RAVER1: variants seen among roughly 807,000 people sequenced by gnomAD.
The protein encoded by RAVER1 is ribonucleoprotein PTB-binding 1.
A neutral mutation model predicts 68.4 loss-of-function variants in RAVER1; 36 were observed. The ratio of observed to expected loss-of-function variants is 0.53; its 90% confidence interval spans 0.40 to 0.70. RAVER1 has a LOEUF of 0.70. RAVER1 is among the 30% of genes least tolerant of loss of function. The pLI, the probability that RAVER1 is intolerant of heterozygous loss-of-function variation, is 0.00. For missense variants in RAVER1, 933 were observed against 1,019.8 expected, an observed-to-expected ratio of 0.91 and a Z score of 1.16; for synonymous variants, 469 against 472.7, an observed-to-expected ratio of 0.99 and a Z score of 0.10.
intron 7 of RAVER1, 92 bp downstream of exon 7, chr19:10,321,435 CTGGG>C (rs1366340007): frequency 2.8e-6 from 3 of 1,085,450 alleles, no homozygotes; most frequent in African/African-American, 1.6e-5. Context: ...GACAAGGGCG[CTGGG>C]ACCCAGAGGT....
Position 10,329,036 on chromosome 19 carries a change from C to A in RAVER1, c.362G>T (p.Arg121Leu). The stretch of plus-strand genomic sequence containing the variant: ...GGGCTGCAGCTGCACCGACAGTTCA[C>A]GCTCCCGCAGGCGGCTCTGGTGGAA... ...NAFHQSRLRE[R>L]ELSVQLQPTD... The change falls in exon 3 of 13, where the codon CGT becomes CTT. Residue 121 changes from arginine (R) to leucine (L), a missense_variant. Arg to Leu is a moderately radical substitution (Grantham distance 102). Transcript: ENST00000617231. This position sits in a 1 kb window ranked among gnomAD's most constrained non-coding sequence, Gnocchi z 4.6. 6.5e-7 allele frequency: 1 copy of A among 1,548,464 alleles called. No individual in the cohort carries two copies. The highest frequency in any genetic ancestry group is 1.2e-5 in the South Asian group (1 of 81,712).
chr19:10,333,226 T>C lies in RAVER1; in HGVS notation c.219+63A>G, dbSNP rs2040536784. On this transcript the variant is annotated intron_variant, in intron 1 of 12. Transcript: ENST00000617231. The surrounding 1 kb of genome is among the most constrained non-coding windows in gnomAD (Gnocchi z 4.2). ...GCACCTCAGCGTTGGTGTCGCCCGG[T>C]TCCCCCCGCGCACGCGCACCGTGGT... The C allele has an allele frequency of 1.3e-6, 2 of 1,481,900 alleles. No homozygotes were observed. Among genetic ancestry groups the C allele is most frequent in the Admixed American group, 2.1e-5 (1 of 48,760 alleles). The allele number at this position is 1,481,900 out of a possible 1,614,324, so 91.8% of individuals were successfully genotyped here.
intron 11 of RAVER1, 86 bp downstream of exon 11, chr19:10,318,143 A>ACCGAGGGTTACAGAGCCCCGGTG: frequency 8.1e-7 from 1 of 1,235,158 alleles, no homozygotes; most frequent in Non-Finnish European, 1.1e-6. Flanking sequence ...TGGCCTGGGC[A>ACCGAGGGTTACAGAGCCCCGGTG]CCGAGGGTTA....
At position 10,333,212 on chromosome 19, in the gene RAVER1, T is replaced by G; in HGVS notation, c.219+77A>C. The G allele has an allele frequency of 3.7e-5, 50 of 1,363,336 alleles. No homozygotes were observed. The highest frequency in any genetic ancestry group is 4.3e-5 in the Non-Finnish European group (43 of 995,822). The allele number at this position is 1,363,336 out of a possible 1,614,324, so 84.5% of individuals were successfully genotyped here. ...CCAACGACCCCCGCGCACCTCAGCG[T>G]TGGTGTCGCCCGGTTCCCCCCGCGC... On this transcript the variant is annotated intron_variant, in intron 1 of 12. Coordinates refer to ENST00000617231, the MANE Select transcript of RAVER1 (RefSeq NM_133452.3). The surrounding 1 kb of genome is among the most constrained non-coding windows in gnomAD (Gnocchi z 4.2).
Position 10,321,042 on chromosome 19 carries a change from C to T in RAVER1, c.1473+6G>A. 2 of 1,425,742 alleles carry T rather than the reference C, an allele frequency of 1.4e-6. No homozygotes were observed. The highest frequency in any genetic ancestry group is 2.8e-5 in the East Asian group (1 of 35,958). 88.3% of individuals were successfully genotyped at this position (1,425,742 alleles called of 1,614,324 possible). A position where few individuals can be genotyped will look rare whatever the true frequency, so the allele number is the denominator to read the frequency against. On this transcript the variant is annotated splice_donor_region_variant and intron_variant, in intron 8 of 12. Coordinates refer to ENST00000617231, the MANE Select transcript of RAVER1 (RefSeq NM_133452.3). Reference sequence around the variant, plus strand: ...GTGTGGTGCCGCGCGCAGGGCAGGGCCTTACCCCAGGGGGCGTCGGCAGAG... The same window carrying T: ...GTGTGGTGCCGCGCGCAGGGCAGGGTCTTACCCCAGGGGGCGTCGGCAGAG...
At chr19:10,318,199 G>C in intron 11 of RAVER1, 30 bp downstream of exon 11, 4 of 1,577,756 alleles carry the variant, frequency 2.5e-6, no homozygotes, top group Non-Finnish European at 3.4e-6. Context: ...TGTCCCAGGG[G>C]GCCTGTGCTT....
intron 3 of RAVER1, among the ~76,000 whole-genome samples, chr19:10,326,585 C>T (rs2040475937): frequency 6.6e-6 from 1 of 151,988 alleles, no homozygotes; most frequent in African/African-American, 2.4e-5. Flanking sequence ...GCTGAGATTA[C>T]AGGCGCGTGG....
intron 10 of RAVER1, among the ~76,000 whole-genome samples, 173 bp from the exon 11 acceptor site, chr19:10,318,545 A>G (rs1405243642): frequency 1.3e-5 from 2 of 152,174 alleles, no homozygotes; most frequent in Non-Finnish European, 2.9e-5. Context: ...TTTTTAGTAG[A>G]GACGGGGTTT....
intron 3 of RAVER1, among the ~76,000 whole-genome samples, chr19:10,324,110 C>T (rs1002727455): frequency 1.3e-5 from 2 of 150,146 alleles, no homozygotes; most frequent in Non-Finnish European, 3.0e-5. Flanking sequence ...GCCGAGATCG[C>T]GCCACTGCAC....
chr19:10,319,028 C>A (rs148302025), intron 10 of RAVER1, 138 bp downstream of exon 10: 4 of 743,446 alleles, frequency 5.4e-6, no homozygotes, highest in Non-Finnish European at 8.9e-6. Flanking sequence ...CTGGGCAACA[C>A]AGTGAGATCC....
At chr19:10,326,632 T>C (rs2145078452) in intron 3 of RAVER1, among the ~76,000 whole-genome samples, 1 of 152,086 alleles carries the variant, frequency 6.6e-6, no homozygotes, top group African/African-American at 2.4e-5. Flanking sequence ...TTGTTGTATT[T>C]TTAGTAGAGA....
chr19:10,329,222 C>T lies in RAVER1; in HGVS notation c.287-111G>A, dbSNP rs1020653049. Reference sequence around the variant, plus strand: ...CTCCAAATGCTGGGCATCTCAGGTGCCTGCTGATCTGAGCAGTTGCCAGCC... The same window carrying T: ...CTCCAAATGCTGGGCATCTCAGGTGTCTGCTGATCTGAGCAGTTGCCAGCC... On this transcript the variant is annotated intron_variant, in intron 2 of 12. Coordinates refer to ENST00000617231, the MANE Select transcript of RAVER1 (RefSeq NM_133452.3). The surrounding 1 kb of genome is among the most constrained non-coding windows in gnomAD (Gnocchi z 4.6). 1.4e-6 allele frequency: 1 copy of T among 696,318 alleles called. No homozygotes were observed. Among genetic ancestry groups the T allele is most frequent in the Non-Finnish European group, 2.4e-6 (1 of 420,552 alleles). 43.1% of individuals were successfully genotyped at this position (696,318 alleles called of 1,614,324 possible). A position where few individuals can be genotyped will look rare whatever the true frequency, so the allele number is the denominator to read the frequency against.
chr19:10,321,592 G>A lies in RAVER1; in HGVS notation c.1200C>T (p.Pro400=), dbSNP rs1395573734. Reference sequence around the variant, plus strand: ...GGGCCCCAGGCTGGAGGGCGCCCAGGGGTGAGTCTCCCAGGATGCCGGGCT... The same window carrying A: ...GGGCCCCAGGCTGGAGGGCGCCCAGAGGTGAGTCTCCCAGGATGCCGGGCT... ...QKKPGILGDS[P]LGALQPGAQP... is the part of the protein sequence containing the mutation. Residue 400 remains proline (P), a synonymous_variant, in exon 7 of 13, where the codon CCC becomes CCT. Transcript: ENST00000617231. 1 of 1,405,566 alleles carries A rather than the reference G, an allele frequency of 7.1e-7. No homozygotes were observed. Among genetic ancestry groups the A allele is most frequent in the East Asian group, 2.8e-5 (1 of 36,318 alleles). 87.1% of individuals were successfully genotyped at this position (1,405,566 alleles called of 1,614,324 possible).
chr19:10,322,788 C>A lies in RAVER1; in HGVS notation c.1079-49G>T. 8.9e-7 allele frequency: 1 copy of A among 1,127,768 alleles called. No homozygotes were observed. Among genetic ancestry groups the A allele is most frequent in the Non-Finnish European group, 1.2e-6 (1 of 831,158 alleles). The allele number at this position is 1,127,768 out of a possible 1,614,324, so 69.9% of individuals were successfully genotyped here. On this transcript the variant is annotated intron_variant, in intron 5 of 12. Coordinates refer to ENST00000617231, the MANE Select transcript of RAVER1 (RefSeq NM_133452.3). The surrounding 1 kb of genome is among the most constrained non-coding windows in gnomAD (Gnocchi z 4.3). ...TGTGGGGGTCCCTGTGTCCTCCCTG[C>A]CCCACCTCACGAAACACAGCCCTGA...
chr19:10,330,616 G>T, intron 1 of RAVER1, 90 bp from the exon 2 acceptor site: 1 of 659,786 alleles, frequency 1.5e-6, no homozygotes. Context: ...AGCTATGAAG[G>T]CAGGTCAATT....
chr19:10,331,555 G>A (rs570142894), intron 1 of RAVER1, among the ~76,000 whole-genome samples: 38 of 150,648 alleles, frequency 2.5e-4, no homozygotes, highest in African/African-American at 5.4e-4. Flanking sequence ...CTGTGGTGGC[G>A]TGCACCTGTA....
At position 10,316,609 on chromosome 19, in the gene RAVER1, C is replaced by T; in HGVS notation, c.*845G>A. 4 of 984,992 alleles carry T rather than the reference C, an allele frequency of 4.1e-6. No homozygotes were observed. Among genetic ancestry groups the T allele is most frequent in the Non-Finnish European group, 4.8e-6 (4 of 828,904 alleles). The allele number at this position is 984,992 out of a possible 1,614,324, so 61.0% of individuals were successfully genotyped here. A position where few individuals can be genotyped will look rare whatever the true frequency, so the allele number is the denominator to read the frequency against. ...GACTGGCAGAGAAAGCCCATCTCTG[C>T]ACGGAGGCCCGGGTAGGAGGGGGTG... is the stretch of plus-strand genomic sequence containing the variant. On this transcript the variant is annotated 3_prime_UTR_variant, in exon 13 of 13. Transcript: ENST00000617231.
chr19:10,333,305 C>G lies in RAVER1; in HGVS notation c.203G>C (p.Gly68Ala). The G allele has an allele frequency of 6.2e-7, 1 of 1,613,788 alleles. No homozygotes were observed. Among genetic ancestry groups the G allele is most frequent in the African/African-American group, 1.3e-5 (1 of 75,060 alleles). The change falls in exon 1 of 13, where the codon GGG becomes GCG. Residue 68 changes from glycine (G) to alanine (A), a missense_variant. This residue lies in a region of RAVER1 where 211 missense variants were observed against 230.0 expected (regional missense o/e 0.92). Coordinates refer to ENST00000617231, the MANE Select transcript of RAVER1 (RefSeq NM_133452.3). This position sits in a 1 kb window ranked among gnomAD's most constrained non-coding sequence, Gnocchi z 4.2. ...CCCCAATACCTGGTTGGTCACGTCC[C>G]CCGGGAGGCCCCGGATCAGTATCTT... Reference protein sequence around the residue: ...RRKILIRGLPGDVTNQEVHDL... With the variant: ...RRKILIRGLPADVTNQEVHDL...
chr19:10,320,386 C>A (rs1311632349), intron 9 of RAVER1, among the ~76,000 whole-genome samples: 2 of 151,640 alleles, frequency 1.3e-5, no homozygotes, highest in African/African-American at 4.8e-5. Context: ...TGCCTGTGGT[C>A]CCAGCTCCTC....
Sources: allele counts gnomAD v4.1 joint callset (sites outside exome capture counted in the v4.1 genomes callset), GRCh38; gene constraint gnomAD v4.1.1; regional missense constraint gnomAD v4.1.1; non-coding constraint Gnocchi (gnomAD v3.1); transcripts MANE v1.5; gene names NCBI Gene and HGNC (gene_info 2026-07-23, HGNC 2026-07-21).